The following RNF157 variants were observed in gnomAD, a reference collection of about 807,000 sequenced individuals.
RNF157 encodes the protein E3 ubiquitin ligase RNF157.
A neutral mutation model predicts 88.3 loss-of-function variants in RNF157; 55 were observed. The ratio of observed to expected loss-of-function variants is 0.62; its 90% CI spans 0.50 to 0.78. RNF157 has a LOEUF of 0.78. Among genes scored for constraint, RNF157 ranks in the 30% least tolerant of loss-of-function variants. The pLI is 0.00. For synonymous variants in RNF157, 334 were observed against 341.2 expected, an observed-to-expected ratio of 0.98 and a Z score of 0.23; for missense variants, 788 against 860.8, an observed-to-expected ratio of 0.92 and a Z score of 1.06.
At chr17:76,203,957 C>T (rs921510035) in intron 2 of RNF157, among the ~76,000 whole-genome samples, 15 of 151,722 alleles carry the variant, frequency 9.9e-5, no homozygotes, top group East Asian at 1.9e-4. Flanking sequence ...TTAGTAGAGA[C>T]GGGGTTTCAC....
At chr17:76,181,876 C>T (rs948134330) in intron 2 of RNF157, among the ~76,000 whole-genome samples, 3 of 145,394 alleles carry the variant, frequency 2.1e-5, no homozygotes, top group African/African-American at 7.5e-5. Flanking sequence ...CCACTGCACT[C>T]CAGCCTGGGT....
chr17:76,198,932 G>C (rs1400940239), intron 2 of RNF157, among the ~76,000 whole-genome samples: 1 of 152,240 alleles, frequency 6.6e-6, no homozygotes, highest in Non-Finnish European at 1.5e-5. Flanking sequence ...CTGTTGGTGA[G>C]ATGTCTCTGT....
intron 1 of RNF157, among the ~76,000 whole-genome samples, chr17:76,223,523 C>G (rs1201580231): frequency 1.3e-5 from 2 of 152,152 alleles, no homozygotes; most frequent in Admixed American, 1.3e-4. Context: ...CTGACTCTTC[C>G]TTTTCCTGTA....
chr17:76,173,659 A>T (rs367983871), intron 3 of RNF157, 43 bp downstream of exon 3: 387 of 1,478,770 alleles, frequency 2.6e-4, no homozygotes, highest in Admixed American at 3.8e-4. Context: ...AGCCTCCCCA[A>T]AGGAAGGTGC....
chr17:76,163,983 A>C (rs981072286), intron 8 of RNF157: 2 of 152,254 alleles, frequency 1.3e-5, no homozygotes, highest in Non-Finnish European at 2.9e-5. Context: ...TTAACCTAAA[A>C]GAACGAACAG....
chr17:76,142,685 CAACTCCCAGGTGAGGTGGGCAGGACCCT>C lies in RNF157; in HGVS notation c.*2522_*2549del, dbSNP rs1418643703. The C allele has an allele frequency of 2.6e-5, 4 of 152,454 alleles. No individual in the cohort carries two copies. The highest frequency in any genetic ancestry group is 5.9e-5 in the Non-Finnish European group (4 of 68,232). 9.4% of individuals were successfully genotyped at this position (152,454 alleles called of 1,614,324 possible). ...GCTAAACTCCAGGTGGGCAGGACCCCAACTCCCAGGTGAGGTGGGCAGGACCCTAACTCCCAGGCCAGCCGGCTTAGAG... is the reference window on the plus strand; with the variant it reads ...GCTAAACTCCAGGTGGGCAGGACCCCAACTCCCAGGCCAGCCGGCTTAGAG... On this transcript the variant is annotated 3_prime_UTR_variant, in exon 19 of 19. Coordinates refer to ENST00000269391, the MANE Select transcript of RNF157 (RefSeq NM_052916.3).
In RNF157 at chr17:76,143,610, G is replaced by A. The variant is rs545574914; in HGVS notation, c.*1625C>T. 2.6e-5 allele frequency: 4 copies of A among 152,250 alleles called. No homozygotes were observed. Among genetic ancestry groups the A allele is most frequent in the Non-Finnish European group, 5.9e-5 (4 of 68,024 alleles). 9.4% of individuals were successfully genotyped at this position (152,250 alleles called of 1,614,324 possible). A position where few individuals can be genotyped will look rare whatever the true frequency, so the allele number is the denominator to read the frequency against. ...TGCAGTTTTTCAGAGAGGGTTGGACGACAGGCCCCCCTCTCCATCAGGGCA... is the reference window on the plus strand; with the variant it reads ...TGCAGTTTTTCAGAGAGGGTTGGACAACAGGCCCCCCTCTCCATCAGGGCA... On this transcript the variant is annotated 3_prime_UTR_variant, in exon 19 of 19. Transcript: ENST00000269391.
In RNF157 at chr17:76,169,707, G is replaced by A. The variant is rs545066519; in HGVS notation, c.297-1910C>T. 3.0e-4 allele frequency among the ~76,000 whole-genome samples: 46 copies of A among 151,114 alleles called. No individual in the cohort carries two copies. In the South Asian group the frequency reaches 5.0e-3, roughly 17 times the overall value. ...TGATTCTCCCGTCTCAGCCTCCCAA[G>A]TAGCTGGGATTATAGGCGTGTGCCA... On this transcript the variant is annotated intron_variant, in intron 3 of 18. Transcript: ENST00000269391.
intron 17 of RNF157, chr17:76,154,041 C>G: frequency 2.0e-6 from 1 of 506,966 alleles, no homozygotes; most frequent in Non-Finnish European, 3.6e-6. Context: ...CTGTATGTAT[C>G]TCCTGCAGCA....
chr17:76,173,917 G>A (rs2069061001), intron 2 of RNF157, 127 bp from the exon 3 acceptor site: 2 of 740,344 alleles, frequency 2.7e-6, no homozygotes, highest in Non-Finnish European at 4.5e-6. Context: ...CTAATTAAGT[G>A]AGGAAACTGA....
intron 2 of RNF157, among the ~76,000 whole-genome samples, chr17:76,188,253 G>C (rs1167924573): frequency 2.6e-5 from 4 of 151,994 alleles, no homozygotes; most frequent in Non-Finnish European, 5.9e-5. Flanking sequence ...GCATCCCACG[G>C]CCTCCTACCT....
rs147166179 is a variant in RNF157 at position 76,161,394 on chromosome 17, T to C, written c.1065+141A>G. 5.8e-6 allele frequency: 4 copies of C among 690,380 alleles called. No individual in the cohort carries two copies. Among genetic ancestry groups the C allele is most frequent in the East Asian group, 2.7e-5 (1 of 37,628 alleles). The allele number at this position is 690,380 out of a possible 1,614,324, so 42.8% of individuals were successfully genotyped here. A position where few individuals can be genotyped will look rare whatever the true frequency, so the allele number is the denominator to read the frequency against. On this transcript the variant is annotated intron_variant, in intron 11 of 18. Coordinates refer to ENST00000269391, the MANE Select transcript of RNF157 (RefSeq NM_052916.3). The surrounding 1 kb of genome is among the most constrained non-coding windows in gnomAD (Gnocchi z 4.6). ...ACAGTAATAAGTTGGTTTTAACGCA[T>C]GCTCTCAGCCGGCTTGCTAAATACT...
chr17:76,212,096 T>G (rs1598434128), intron 2 of RNF157: 3 of 271,578 alleles, frequency 1.1e-5, no homozygotes, highest in East Asian at 6.4e-5. Flanking sequence ...TGGAAAAGGG[T>G]TGCCTAAAGA....
intron 2 of RNF157, among the ~76,000 whole-genome samples, chr17:76,188,034 CTGAT>C (rs1388517541): frequency 6.6e-6 from 1 of 152,194 alleles, no homozygotes; most frequent in Non-Finnish European, 1.5e-5. Context: ...CTTGAGAGCT[CTGAT>C]TATTCTTCAG....
At chr17:76,222,401 A>G (rs2070001263) in intron 1 of RNF157, among the ~76,000 whole-genome samples, 1 of 152,068 alleles carries the variant, frequency 6.6e-6, no homozygotes, top group Non-Finnish European at 1.5e-5. Context: ...CAACACTGTG[A>G]ATGTTCAAAA....
intron 1 of RNF157, among the ~76,000 whole-genome samples, chr17:76,224,796 T>C (rs2070050747): frequency 6.6e-6 from 1 of 152,164 alleles, no homozygotes; most frequent in African/African-American, 2.4e-5. Flanking sequence ...TGCGCTGCAT[T>C]CAAAGCCATC....
Position 76,156,481 on chromosome 17 carries a change from T to C in RNF157, c.1414-160A>G, listed in dbSNP as rs116843146. ...AGGCCGCAGCTTCTCTCTTCCGTCCTCACTTCAGCCCAAGCCTGGAATGAC... is the reference window on the plus strand; with the variant it reads ...AGGCCGCAGCTTCTCTCTTCCGTCCCCACTTCAGCCCAAGCCTGGAATGAC... On this transcript the variant is annotated intron_variant, in intron 13 of 18. Coordinates refer to ENST00000269391, the MANE Select transcript of RNF157 (RefSeq NM_052916.3). 1,151 of 1,433,130 alleles carry C rather than the reference T, an allele frequency of 8.0e-4. 11 individuals carry two copies. The East Asian group carries it at 0.028, about 35-fold the overall frequency. 88.8% of individuals were successfully genotyped at this position (1,433,130 alleles called of 1,614,324 possible).
At position 76,238,893 on chromosome 17, in the gene RNF157, A is replaced by AT. The variant is rs560700030; in HGVS notation, c.88+1259dup. On this transcript the variant is annotated intron_variant, in intron 1 of 18. Coordinates refer to ENST00000269391, the MANE Select transcript of RNF157 (RefSeq NM_052916.3). ...CCTTTCTAAAACAATTCTTCACCAT[A>AT]TTCATCTTTGCAAGGATTCATTCTT... Among the ~76,000 whole-genome samples the AT allele has an allele frequency of 1.9e-3, 282 of 152,330 alleles. 2 individuals are homozygous for AT. Among genetic ancestry groups the AT allele is most frequent in the African/African-American group, 6.5e-3 (270 of 41,566 alleles).
At chr17:76,203,825 T>C (rs1354145254) in intron 2 of RNF157, among the ~76,000 whole-genome samples, 1 of 148,684 alleles carries the variant, frequency 6.7e-6, no homozygotes, top group Non-Finnish European at 1.5e-5. Context: ...TGGAGTGCAG[T>C]GGCACGATCT....
Sources: gnomAD v4.1 joint callset for allele counts (sites outside exome capture counted in the v4.1 genomes callset) on GRCh38, gnomAD v4.1.1 for gene constraint, Gnocchi (gnomAD v3.1) non-coding constraint, MANE v1.5 for transcripts, NCBI Gene and HGNC (gene_info 2026-07-23, HGNC 2026-07-21) for gene names.